Variants in GALNT13 observed in about 807,000 individuals in gnomAD.
The protein encoded by GALNT13 is UDP-GalNAc:polypeptide N-acetylgalactosaminyltransferase 13.
A neutral mutation model predicts 64.2 loss-of-function variants in GALNT13; 28 were observed. The ratio of observed to expected loss-of-function variants is 0.44; its 90% CI spans 0.32 to 0.60. The LOEUF (loss-of-function observed/expected upper bound fraction) is 0.60. Among genes scored for constraint, GALNT13 ranks in the 20% least tolerant of loss-of-function variants. The pLI is 0.05. For missense variants in GALNT13, 577 were observed against 669.8 expected, an observed-to-expected ratio of 0.86 and a Z score of 1.53; for synonymous variants, 214 against 224.6, an observed-to-expected ratio of 0.95 and a Z score of 0.42.
the GALNT13 span, among the ~76,000 whole-genome samples, chr2:153,222,992 G>T: frequency 1.3e-5 from 2 of 152,204 alleles, no homozygotes; most frequent in Non-Finnish European, 2.9e-5. Context: ...TGTGACTTCC[G>T]CCTGTTCCCG....
At chr2:153,134,307 G>A in the GALNT13 span, among the ~76,000 whole-genome samples, 4 of 152,064 alleles carry the variant, frequency 2.6e-5, no homozygotes, top group Admixed American at 2.0e-4. Context: ...AAACCATTTC[G>A]CTTTGGAAAT....
intron 10 of GALNT13, among the ~76,000 whole-genome samples, chr2:154,400,580 CTTAAT>C (rs1270965544): frequency 6.6e-6 from 1 of 152,042 alleles, no homozygotes; most frequent in Non-Finnish European, 1.5e-5. Context: ...ATATCTGTAT[CTTAAT>C]TTATTTTATG....
chr2:154,336,897 T>C (rs1277771031), intron 9 of GALNT13, among the ~76,000 whole-genome samples: 1 of 152,136 alleles, frequency 6.6e-6, no homozygotes, highest in Non-Finnish European at 1.5e-5. Flanking sequence ...AGAATCCTAA[T>C]TTGTTCAGAA....
the GALNT13 span, among the ~76,000 whole-genome samples, chr2:153,441,508 G>T: frequency 6.6e-6 from 1 of 152,164 alleles, no homozygotes; most frequent in Admixed American, 6.5e-5. Flanking sequence ...GCTTGATGGG[G>T]ATAGCATTGA....
chr2:153,441,216 A>T, the GALNT13 span, among the ~76,000 whole-genome samples: 13 of 152,136 alleles, frequency 8.5e-5, no homozygotes, highest in African/African-American at 3.1e-4. Flanking sequence ...TCCTCTCCTC[A>T]TTGCTTGTTT....
At chr2:154,339,223 GTAAC>G (rs1240631607) in intron 9 of GALNT13, among the ~76,000 whole-genome samples, 9 of 152,048 alleles carry the variant, frequency 5.9e-5, no homozygotes. Flanking sequence ...AAAACCAAGA[GTAAC>G]TAATATGCAG....
the GALNT13 span, among the ~76,000 whole-genome samples, chr2:153,423,797 A>G: frequency 6.6e-6 from 1 of 151,728 alleles, no homozygotes; most frequent in South Asian, 2.1e-4. Flanking sequence ...GAGATACATT[A>G]CTTACACATA....
chr2:154,280,055 G>T (rs1691876315), intron 8 of GALNT13, among the ~76,000 whole-genome samples: 1 of 152,080 alleles, frequency 6.6e-6, no homozygotes, highest in South Asian at 2.1e-4. Flanking sequence ...AAAACTTACA[G>T]CTTTAAAAAA....
chr2:153,094,790 G>A, the GALNT13 span, among the ~76,000 whole-genome samples: 4 of 152,108 alleles, frequency 2.6e-5, no homozygotes, highest in Non-Finnish European at 5.9e-5. Context: ...AATGGGGAAA[G>A]GATTCCCTAT....
the GALNT13 span, among the ~76,000 whole-genome samples, chr2:153,833,228 T>G: frequency 6.6e-6 from 1 of 152,176 alleles, no homozygotes. Flanking sequence ...CTTATTTTAC[T>G]TAATAATGTC....
chr2:153,142,411 T>C, the GALNT13 span, among the ~76,000 whole-genome samples: 1 of 152,132 alleles, frequency 6.6e-6, no homozygotes, highest in East Asian at 1.9e-4. Context: ...TATCAAGTAA[T>C]GTCCTAATGA....
chr2:153,632,089 C>G, the GALNT13 span, among the ~76,000 whole-genome samples: 2 of 152,102 alleles, frequency 1.3e-5, no homozygotes, highest in Non-Finnish European at 2.9e-5. Context: ...AATCTGAATC[C>G]TCTCCCAAGT....
At position 154,041,791 on chromosome 2, in the gene GALNT13, T is replaced by C. The variant is rs1051430073; in HGVS notation, c.142+97152T>C. ...ACCATGATGTTGAAGACAATGTTTA[T>C]AGTGATCTCATATACAAGTATAGAT... On this transcript the variant is annotated intron_variant, in intron 3 of 12. Coordinates refer to ENST00000392825, the MANE Select transcript of GALNT13 (RefSeq NM_052917.4). Among the ~76,000 whole-genome samples the C allele has an allele frequency of 2.1e-5, 3 of 140,648 alleles. 1 individual carries two copies. The highest frequency in any genetic ancestry group is 4.9e-5 in the Non-Finnish European group (3 of 61,266). 92.3% of individuals were successfully genotyped at this position (140,648 alleles called of 152,430 possible). A position where few individuals can be genotyped will look rare whatever the true frequency, so the allele number is the denominator to read the frequency against.
At chr2:153,428,194 G>A in the GALNT13 span, among the ~76,000 whole-genome samples, 11 of 152,162 alleles carry the variant, frequency 7.2e-5, no homozygotes, top group Non-Finnish European at 1.0e-4. Context: ...ATTTCTTTTT[G>A]TAAAGGAATA....
chr2:153,644,722 A>G, the GALNT13 span, among the ~76,000 whole-genome samples: 1 of 151,946 alleles, frequency 6.6e-6, no homozygotes, highest in Admixed American at 6.6e-5. Flanking sequence ...GTAAATTCCT[A>G]CTACGTTGGA....
At chr2:153,213,561 G>T in the GALNT13 span, among the ~76,000 whole-genome samples, 1 of 152,202 alleles carries the variant, frequency 6.6e-6, no homozygotes, top group African/African-American at 2.4e-5. Context: ...TGCTGTAAGG[G>T]ATAAGAAAAG....
At chr2:153,925,446 G>T (rs1418544243) in intron 2 of GALNT13, among the ~76,000 whole-genome samples, 4 of 147,592 alleles carry the variant, frequency 2.7e-5, no homozygotes, top group African/African-American at 9.9e-5. Context: ...TGCTGTTTTG[G>T]TTACTTTAGC....
At chr2:153,604,198 C>T in the GALNT13 span, among the ~76,000 whole-genome samples, 1 of 152,066 alleles carries the variant, frequency 6.6e-6, no homozygotes, top group Admixed American at 6.6e-5. Flanking sequence ...ACTTCTGGGG[C>T]TATCACCCTC....
the GALNT13 span, among the ~76,000 whole-genome samples, chr2:153,517,726 A>G: frequency 7.2e-5 from 11 of 152,332 alleles, no homozygotes; most frequent in African/African-American, 2.6e-4. Context: ...GAGAATCACC[A>G]TTAGGCAGAC....
Sources: gnomAD v4.1 joint callset for allele counts (sites outside exome capture counted in the v4.1 genomes callset) on GRCh38, gnomAD v4.1.1 for gene constraint, MANE v1.5 for transcripts, NCBI Gene and HGNC (gene_info 2026-07-23, HGNC 2026-07-21) for gene names.